Variants in OPCML observed in about 807,000 individuals in gnomAD.
OPCML encodes opioid binding protein/cell adhesion molecule like, also known as opioid-binding protein/cell adhesion molecule.
A neutral mutation model predicts 37.8 loss-of-function variants in OPCML; 13 were observed. The ratio of observed to expected loss-of-function variants is 0.34; its 90% CI spans 0.22 to 0.55. The LOEUF (loss-of-function observed/expected upper bound fraction) is 0.55. Among genes scored for constraint, OPCML ranks in the 20% least tolerant of loss-of-function variants. The probability of loss-of-function intolerance (pLI) is 0.91; values close to 1 mark genes in which losing one functional copy is unlikely to be tolerated. For missense variants in OPCML, 341 were observed against 435.6 expected, an observed-to-expected ratio of 0.78 and a Z score of 1.93; for synonymous variants, 176 against 168.8, an observed-to-expected ratio of 1.04 and a Z score of -0.33.
At chr11:132,468,879 G>A (rs962238428) in intron 4 of OPCML, among the ~76,000 whole-genome samples, 3 of 152,078 alleles carry the variant, frequency 2.0e-5, no homozygotes, top group African/African-American at 7.2e-5. Context: ...TAAAATCATG[G>A]ATCTCATCCA....
chr11:133,446,106 TCTG>T (rs1410745382), intron 1 of OPCML, among the ~76,000 whole-genome samples: 1 of 152,214 alleles, frequency 6.6e-6, no homozygotes, highest in Non-Finnish European at 1.5e-5. Flanking sequence ...ATCTTTTTAT[TCTG>T]CTTACTGGGT....
intron 4 of OPCML, among the ~76,000 whole-genome samples, chr11:132,470,246 A>G (rs568467592): frequency 4.6e-5 from 7 of 152,252 alleles, no homozygotes; most frequent in African/African-American, 1.4e-4. Context: ...GATGTTGGCA[A>G]CAGTACAGGA....
At chr11:132,733,437 G>A (rs1945152423) in intron 2 of OPCML, among the ~76,000 whole-genome samples, 1 of 152,186 alleles carries the variant, frequency 6.6e-6, no homozygotes, top group Non-Finnish European at 1.5e-5. Flanking sequence ...TTGGATATAT[G>A]TGTGTAGCTG....
intron 2 of OPCML, among the ~76,000 whole-genome samples, chr11:132,775,508 C>T (rs962441756): frequency 6.6e-5 from 10 of 152,178 alleles, no homozygotes; most frequent in African/African-American, 2.4e-4. Flanking sequence ...CAGTGACAAA[C>T]TGCATGCATG....
chr11:132,779,581 G>T (rs1946927034), intron 2 of OPCML, among the ~76,000 whole-genome samples: 1 of 151,894 alleles, frequency 6.6e-6, no homozygotes, highest in Admixed American at 6.6e-5. Flanking sequence ...GAGAGAGAGA[G>T]AGATAGGTAA....
At chr11:133,020,233 T>C (rs1947424884) in intron 1 of OPCML, among the ~76,000 whole-genome samples, 1 of 152,156 alleles carries the variant, frequency 6.6e-6, no homozygotes, top group South Asian at 2.1e-4. Flanking sequence ...TCAGCAGAAA[T>C]GGTCGGCCCA....
chr11:133,416,736 C>T (rs183219773), intron 1 of OPCML, among the ~76,000 whole-genome samples: 5 of 152,282 alleles, frequency 3.3e-5, no homozygotes, highest in South Asian at 2.1e-4. Flanking sequence ...GCTCCTGTCA[C>T]GGAACTCCTA....
rs200502719 is a variant in OPCML at position 133,383,434 on chromosome 11, G to A, written c.61+148830C>T. ...GAGTGTCTGAGTGAAGACGGGAATC[G>A]GGTCATCCGATCTGTAATCTGCTGC... On this transcript the variant is annotated intron_variant, in intron 1 of 7. Coordinates refer to ENST00000524381, the MANE Select transcript of OPCML (RefSeq NM_001012393.5). 4.3e-4 allele frequency among the ~76,000 whole-genome samples: 65 copies of A among 152,216 alleles called. 2 individuals are homozygous for A. The highest frequency in any genetic ancestry group is 4.3e-3 in the East Asian group (22 of 5,170).
intron 1 of OPCML, among the ~76,000 whole-genome samples, chr11:133,308,629 C>A (rs149966956): frequency 6.6e-6 from 1 of 152,102 alleles, no homozygotes; most frequent in Non-Finnish European, 1.5e-5. Context: ...CTCAGAGAAA[C>A]TAGATGCAGT....
rs144896429 is a variant in OPCML at position 133,497,923 on chromosome 11, T to C, written c.61+34341A>G. On this transcript the variant is annotated intron_variant, in intron 1 of 7. Coordinates refer to ENST00000524381, the MANE Select transcript of OPCML (RefSeq NM_001012393.5). ...CCACTGCAAGTGAATCGAGAGACAG[T>C]GCACTGCACACTGCCTGTCAGTTTC... Among the ~76,000 whole-genome samples the C allele has an allele frequency of 1.3e-3, 198 of 152,348 alleles. 1 individual carries two copies. Among genetic ancestry groups the C allele is most frequent in the Non-Finnish European group, 2.3e-3 (154 of 68,020 alleles).
At chr11:133,357,901 G>A (rs764240325) in intron 1 of OPCML, among the ~76,000 whole-genome samples, 23 of 152,000 alleles carry the variant, frequency 1.5e-4, no homozygotes, top group African/African-American at 3.4e-4. Flanking sequence ...TTGCCTTTAT[G>A]TTCTCTCCAC....
chr11:133,298,585 T>C (rs1024442712), intron 1 of OPCML: 1 of 152,090 alleles, frequency 6.6e-6, no homozygotes, highest in African/African-American at 2.4e-5. Context: ...ACGATACTGG[T>C]CAAAGGAATA....
chr11:132,708,674 A>C (rs895708970), intron 2 of OPCML, among the ~76,000 whole-genome samples: 10 of 152,304 alleles, frequency 6.6e-5, no homozygotes, highest in Admixed American at 5.2e-4. Flanking sequence ...GATTAATATG[A>C]TCTTTGCTCC....
intron 1 of OPCML, among the ~76,000 whole-genome samples, chr11:133,348,683 T>C (rs1343120299): frequency 6.6e-6 from 1 of 152,212 alleles, no homozygotes; most frequent in Admixed American, 6.5e-5. Flanking sequence ...TGCTAGAAGG[T>C]GATCTACGTG....
chr11:133,121,045 C>T (rs1383263800), intron 1 of OPCML, among the ~76,000 whole-genome samples: 1 of 152,154 alleles, frequency 6.6e-6, no homozygotes, highest in East Asian at 1.9e-4. Context: ...GCCTTAGCCT[C>T]CCAAGTAGCT....
intron 4 of OPCML, among the ~76,000 whole-genome samples, chr11:132,516,799 G>T (rs1354454885): frequency 3.3e-5 from 5 of 152,108 alleles, no homozygotes; most frequent in African/African-American, 9.7e-5. Context: ...TTGTGCGCTT[G>T]GTGCACTCAG....
chr11:132,948,578 T>C (rs1417354697), intron 1 of OPCML, among the ~76,000 whole-genome samples: 3 of 152,158 alleles, frequency 2.0e-5, no homozygotes, highest in African/African-American at 7.2e-5. Context: ...CAGGCAAGTT[T>C]TTTATCATCT....
intron 3 of OPCML, among the ~76,000 whole-genome samples, chr11:132,580,835 G>T (rs1490844076): frequency 6.6e-6 from 1 of 152,104 alleles, no homozygotes; most frequent in Non-Finnish European, 1.5e-5. Flanking sequence ...AATGTGCACT[G>T]GTCTGCAGAA....
intron 1 of OPCML, among the ~76,000 whole-genome samples, chr11:132,955,140 A>G (rs1945950187): frequency 6.6e-6 from 1 of 152,084 alleles, no homozygotes; most frequent in Admixed American, 6.6e-5. Context: ...TAGCTGTGAA[A>G]ACATGCTGGA....
Sources: allele counts gnomAD v4.1 joint callset (sites outside exome capture counted in the v4.1 genomes callset), GRCh38; gene constraint gnomAD v4.1.1; transcripts MANE v1.5; gene names NCBI Gene and HGNC (gene_info 2026-07-23, HGNC 2026-07-21).